Variants in RANBP2 observed in about 807,000 individuals in gnomAD.
RANBP2 encodes RAN binding protein 2.
Under a neutral mutation model 303.6 loss-of-function variants are expected in RANBP2, and 57 were observed. That is an observed-to-expected ratio of 0.19 (90% CI 0.15 to 0.23). The LOEUF (loss-of-function observed/expected upper bound fraction) is 0.23. Ranked by LOEUF, RANBP2 falls within the 10% of genes least tolerant of loss-of-function variation. The pLI is 1.00. For missense variants in RANBP2, 3,138 were observed against 3,780.8 expected (o/e 0.83, Z 4.46); for synonymous variants, 1,167 against 1,301.5 (o/e 0.90, Z 2.23).
At chr2:109,631,991 A>G in the RANBP2 span, among the ~76,000 whole-genome samples, 1 of 152,040 alleles carries the variant, frequency 6.6e-6, no homozygotes, top group African/African-American at 2.4e-5. Context: ...AATTTGAGTC[A>G]CCTGACCTTG....
chr2:109,130,485 G>A, the RANBP2 span, among the ~76,000 whole-genome samples: 1 of 152,204 alleles, frequency 6.6e-6, no homozygotes, highest in Admixed American at 6.5e-5. Context: ...CCCTGGGCCT[G>A]CCTAGAGAAA....
At chr2:109,415,635 G>C in the RANBP2 span, among the ~76,000 whole-genome samples, 1 of 152,122 alleles carries the variant, frequency 6.6e-6, no homozygotes, top group Admixed American at 6.5e-5. Context: ...CTGTCCTCCA[G>C]GGACGCCGTG....
the RANBP2 span, among the ~76,000 whole-genome samples, chr2:109,177,210 A>G: frequency 2.6e-5 from 4 of 152,180 alleles, no homozygotes; most frequent in African/African-American, 9.7e-5. Flanking sequence ...TCAGATGCAA[A>G]ACCAGGGACG....
chr2:108,924,507 A>C, the RANBP2 span, among the ~76,000 whole-genome samples: 3 of 152,340 alleles, frequency 2.0e-5, no homozygotes, highest in East Asian at 5.8e-4. Context: ...GCGATTCAAG[A>C]ACTGGGATGA....
chr2:108,762,462 T>C (rs560316843), intron 19 of RANBP2, among the ~76,000 whole-genome samples: 2 of 69,596 alleles, frequency 2.9e-5, no homozygotes, highest in African/African-American at 5.7e-5. Flanking sequence ...AATAGAACTG[T>C]AATGCCCTTG....
chr2:109,249,467 C>CTCTTTCTTTCTTTCTTTCTTTCTTTCTT, the RANBP2 span, among the ~76,000 whole-genome samples: 14 of 99,360 alleles, frequency 1.4e-4, no homozygotes, highest in Non-Finnish European at 2.0e-4. Flanking sequence ...TTCTCTCTTT[C>CTCTTTCTTTCTTTCTTTCTTTCTTTCTT]TCTTTCTTTC....
chr2:108,881,018 G>T, the RANBP2 span, among the ~76,000 whole-genome samples: 3 of 152,322 alleles, frequency 2.0e-5, no homozygotes, highest in East Asian at 5.8e-4. Flanking sequence ...TGACTTTGAG[G>T]GGTTTAAGAC....
the RANBP2 span, among the ~76,000 whole-genome samples, chr2:109,030,843 C>A: frequency 6.6e-6 from 1 of 152,182 alleles, no homozygotes; most frequent in Non-Finnish European, 1.5e-5. Context: ...CTGCCTCGGC[C>A]TCCAGAGTAG....
At chr2:109,525,517 A>C in the RANBP2 span, among the ~76,000 whole-genome samples, 1 of 151,820 alleles carries the variant, frequency 6.6e-6, no homozygotes, top group East Asian at 1.9e-4. Flanking sequence ...ACAGGCCTAC[A>C]CTCCCCGAGC....
the RANBP2 span, among the ~76,000 whole-genome samples, chr2:109,474,293 G>A: frequency 9.9e-5 from 15 of 152,250 alleles, no homozygotes; most frequent in East Asian, 3.9e-4. Flanking sequence ...GTTTTGAGCC[G>A]GACAGTTAGT....
the RANBP2 span, among the ~76,000 whole-genome samples, chr2:108,795,148 G>GTTT: frequency 8.7e-5 from 6 of 68,640 alleles, no homozygotes; most frequent in Non-Finnish European, 1.5e-4. Flanking sequence ...TTTCTAAAGT[G>GTTT]TATTTTTTTT....
chr2:109,276,346 G>A, the RANBP2 span, among the ~76,000 whole-genome samples: 5 of 152,328 alleles, frequency 3.3e-5, no homozygotes, highest in Non-Finnish European at 5.9e-5. Flanking sequence ...GGCATTGATG[G>A]CAAATATGTG....
chr2:109,419,598 T>C, the RANBP2 span: 1 of 1,596,502 alleles, frequency 6.3e-7, no homozygotes, highest in Admixed American at 1.7e-5. Flanking sequence ...CCTCGGTGTC[T>C]GGAGAGCAGG....
At chr2:108,904,692 T>C in the RANBP2 span, among the ~76,000 whole-genome samples, 1 of 152,228 alleles carries the variant, frequency 6.6e-6, no homozygotes. Context: ...TGAATTATGC[T>C]GAGTGAAAAA....
chr2:109,585,583 G>T, the RANBP2 span: 2 of 751,726 alleles, frequency 2.7e-6, no homozygotes, highest in South Asian at 1.8e-5. Context: ...AAAACTAACA[G>T]AATCTAAACA....
chr2:109,329,617 C>T, the RANBP2 span, among the ~76,000 whole-genome samples: 10 of 152,196 alleles, frequency 6.6e-5, no homozygotes, highest in Non-Finnish European at 1.2e-4. Flanking sequence ...GACAGGCCTC[C>T]CTCAAGGGAG....
the RANBP2 span, among the ~76,000 whole-genome samples, chr2:108,961,260 T>C: frequency 6.6e-6 from 1 of 151,824 alleles, no homozygotes; most frequent in Non-Finnish European, 1.5e-5. Flanking sequence ...AGGGAACAGT[T>C]GCCAGTCCTT....
At chr2:109,254,494 C>T in the RANBP2 span, among the ~76,000 whole-genome samples, 3 of 152,186 alleles carry the variant, frequency 2.0e-5, no homozygotes, top group South Asian at 2.1e-4. Context: ...TTACCAGCCT[C>T]GTTCAGCTTT....
At chr2:109,427,607 C>T in the RANBP2 span, among the ~76,000 whole-genome samples, 1 of 152,192 alleles carries the variant, frequency 6.6e-6, no homozygotes, top group Non-Finnish European at 1.5e-5. Flanking sequence ...TGCACACTAG[C>T]CCCACACACA....
Sources: allele counts gnomAD v4.1 joint callset (sites outside exome capture counted in the v4.1 genomes callset), GRCh38; gene constraint gnomAD v4.1.1; transcripts MANE v1.5; gene names NCBI Gene and HGNC (gene_info 2026-07-23, HGNC 2026-07-21).